Variants in ARID5B observed in about 807,000 individuals in gnomAD.
ARID5B encodes AT-rich interactive domain-containing protein 5B.
Under a neutral mutation model 97.2 loss-of-function variants are expected in ARID5B, and 13 were observed. That is an observed-to-expected ratio of 0.13 (90% confidence interval 0.09 to 0.21). The LOEUF is 0.21. ARID5B is among the 10% of genes least tolerant of loss of function. ARID5B has a pLI of 1.00. For synonymous variants in ARID5B, 556 were observed against 570.3 expected (o/e 0.97, Z 0.36); for missense variants, 1,210 against 1,465.3 (o/e 0.83, Z 2.84).
chr10:61,984,878 A>T lies in ARID5B; in HGVS notation c.503-15213A>T, dbSNP rs143536100. ...ACCTTTTGAGGCAGCAGGGGCAGGC[A>T]GACCCACACATTGGGCCCAGATCTA... On this transcript the variant is annotated intron_variant, in intron 3 of 9. Coordinates refer to ENST00000279873, the MANE Select transcript of ARID5B (RefSeq NM_032199.3). Among the ~76,000 whole-genome samples, 16 of 152,272 alleles carry T rather than the reference A, an allele frequency of 1.1e-4. No homozygotes were observed. In the East Asian group the frequency reaches 3.1e-3, roughly 29 times the overall value.
chr10:62,037,554 C>T (rs990691871), intron 4 of ARID5B, among the ~76,000 whole-genome samples: 2 of 152,216 alleles, frequency 1.3e-5, no homozygotes, highest in Non-Finnish European at 2.9e-5. Flanking sequence ...ATTTTTCATT[C>T]CATAATAGGA....
intron 4 of ARID5B, among the ~76,000 whole-genome samples, chr10:62,044,003 C>A (rs1839673364): frequency 6.6e-6 from 1 of 151,432 alleles, no homozygotes; most frequent in Non-Finnish European, 1.5e-5. Context: ...GACAAAGAGG[C>A]AAAGTGACGA....
intron 3 of ARID5B, among the ~76,000 whole-genome samples, chr10:61,984,089 G>A (rs1288422729): frequency 6.6e-6 from 1 of 152,180 alleles, no homozygotes; most frequent in Non-Finnish European, 1.5e-5. Context: ...CAGACTCAGA[G>A]ATGAAATACA....
At chr10:62,034,342 T>G (rs1229152587) in intron 4 of ARID5B, among the ~76,000 whole-genome samples, 1 of 152,242 alleles carries the variant, frequency 6.6e-6, no homozygotes, top group African/African-American at 2.4e-5. Flanking sequence ...TGTTAATGTT[T>G]CCTTTTCAAC....
At chr10:61,939,697 G>T (rs535892493) in intron 2 of ARID5B, among the ~76,000 whole-genome samples, 1 of 152,322 alleles carries the variant, frequency 6.6e-6, no homozygotes, top group South Asian at 2.1e-4. Flanking sequence ...CAATATTTGT[G>T]TATAAGCCAA....
intron 8 of ARID5B, among the ~76,000 whole-genome samples, chr10:62,075,606 C>T (rs1840120280): frequency 6.6e-6 from 1 of 152,238 alleles, no homozygotes; most frequent in Admixed American, 6.5e-5. Flanking sequence ...GATCAGCGTC[C>T]AGGAGCTTGT....
At chr10:61,903,989 A>G (rs2132749669) in intron 2 of ARID5B, among the ~76,000 whole-genome samples, 1 of 150,482 alleles carries the variant, frequency 6.6e-6, no homozygotes, top group East Asian at 2.0e-4. Flanking sequence ...AAATACTGTG[A>G]AAAATCCTGC....
chr10:61,971,871 G>A (rs566140152), intron 3 of ARID5B, among the ~76,000 whole-genome samples: 1 of 152,226 alleles, frequency 6.6e-6, no homozygotes, highest in Non-Finnish European at 1.5e-5. Context: ...TGCTCGTTGT[G>A]TTGAGGGGGA....
chr10:61,995,116 T>C (rs1189246930), intron 3 of ARID5B, among the ~76,000 whole-genome samples: 1 of 152,214 alleles, frequency 6.6e-6, no homozygotes, highest in Admixed American at 6.5e-5. Context: ...TAGAGTGTGT[T>C]AGAAGAATAC....
intron 4 of ARID5B, among the ~76,000 whole-genome samples, chr10:62,006,642 G>A (rs1839150414): frequency 1.3e-5 from 2 of 152,170 alleles, no homozygotes. Flanking sequence ...TTAAAAGATG[G>A]ACTCAGCTTC....
intron 3 of ARID5B, among the ~76,000 whole-genome samples, chr10:61,950,741 C>T (rs1463680500): frequency 1.3e-5 from 2 of 152,190 alleles, no homozygotes; most frequent in African/African-American, 2.4e-5. Context: ...TTCAGCAGTT[C>T]CCCTTTCAGT....
intron 3 of ARID5B, among the ~76,000 whole-genome samples, chr10:61,995,621 G>C (rs1838985456): frequency 6.6e-6 from 1 of 151,792 alleles, no homozygotes; most frequent in South Asian, 2.1e-4. Context: ...TTCATATAAA[G>C]TTGACCATAT....
chr10:62,055,586 C>G (rs1295966366), intron 5 of ARID5B, among the ~76,000 whole-genome samples: 1 of 152,130 alleles, frequency 6.6e-6, no homozygotes, highest in Non-Finnish European at 1.5e-5. Flanking sequence ...AAAATGATGA[C>G]AACATAAAGT....
At chr10:61,947,295 G>T (rs1326951996) in intron 3 of ARID5B, among the ~76,000 whole-genome samples, 3 of 123,232 alleles carry the variant, frequency 2.4e-5, no homozygotes, top group Non-Finnish European at 5.3e-5. Context: ...TTGAGACAGG[G>T]TCTCACTGCA....
rs143621450 is a variant in ARID5B, at chr10:61,902,277, C to A, written c.140C>A (p.Thr47Lys). 9.3e-6 allele frequency: 15 copies of A among 1,613,882 alleles called. No individual in the cohort carries two copies. Among genetic ancestry groups the A allele is most frequent in the Non-Finnish European group, 1.3e-5 (15 of 1,180,028 alleles). Residue 47 changes from threonine (T) to lysine (K), a missense_variant, in exon 2 of 10, where the codon ACG (threonine) becomes AAG (lysine). Coordinates refer to ENST00000279873, the MANE Select transcript of ARID5B (RefSeq NM_032199.3). ...SLGDFFFVRC[T>K]PKDPICIAEL... is the part of the protein sequence containing the mutation. ...GGCGACTTTTTCTTTGTAAGATGTA[C>A]GCCAAAGGATCCGATTTGCATAGCG...
At chr10:62,043,083 G>A (rs1050715052) in intron 4 of ARID5B, among the ~76,000 whole-genome samples, 1 of 152,030 alleles carries the variant, frequency 6.6e-6, no homozygotes, top group Non-Finnish European at 1.5e-5. Context: ...GAGCTACCAC[G>A]TCCACTTCTT....
chr10:61,925,660 T>C (rs544041807), intron 2 of ARID5B, among the ~76,000 whole-genome samples: 2 of 152,276 alleles, frequency 1.3e-5, no homozygotes, highest in South Asian at 2.1e-4. Flanking sequence ...ACATGCATGG[T>C]AAGCCCAAGA....
intron 4 of ARID5B, among the ~76,000 whole-genome samples, chr10:62,011,740 C>T (rs1315151331): frequency 6.6e-6 from 1 of 152,202 alleles, no homozygotes; most frequent in African/African-American, 2.4e-5. Context: ...CTTGACCCCA[C>T]CAGGAAGTTG....
At chr10:61,936,490 C>G (rs1214255633) in intron 2 of ARID5B, among the ~76,000 whole-genome samples, 1 of 152,146 alleles carries the variant, frequency 6.6e-6, no homozygotes, top group Non-Finnish European at 1.5e-5. Flanking sequence ...TGATGGCAGG[C>G]ACCTGTAATC....
Sources: gnomAD v4.1 joint callset for allele counts (sites outside exome capture counted in the v4.1 genomes callset) on GRCh38, gnomAD v4.1.1 for gene constraint, MANE v1.5 for transcripts, NCBI Gene and HGNC (gene_info 2026-07-23, HGNC 2026-07-21) for gene names.